MKRN1: variants seen among roughly 807,000 people sequenced by gnomAD.
MKRN1 encodes the protein E3 ubiquitin-protein ligase makorin-1.
Under a neutral mutation model 55.5 loss-of-function variants are expected in MKRN1, and 9 were observed. The ratio of observed to expected loss-of-function variants is 0.16; its 90% confidence interval spans 0.10 to 0.28. The LOEUF (loss-of-function observed/expected upper bound fraction) is 0.28. Ranked by LOEUF, MKRN1 falls within the 10% of genes least tolerant of loss-of-function variation. The pLI is 1.00. For missense variants in MKRN1, 488 were observed against 626.7 expected (o/e 0.78, Z 2.36); for synonymous variants, 253 against 235.9 (o/e 1.07, Z -0.66).
chr7:140,464,628 C>G (rs1794719462), intron 2 of MKRN1, among the ~76,000 whole-genome samples: 1 of 151,980 alleles, frequency 6.6e-6, no homozygotes, highest in African/African-American at 2.4e-5. Context: ...TCGCTTGAAC[C>G]TGGGAGGCGG....
In MKRN1 at chr7:140,453,983, A is replaced by C. The variant is rs1344299064; in HGVS notation, c.*534T>G. On this transcript the variant is annotated 3_prime_UTR_variant, in exon 8 of 8. Coordinates refer to ENST00000255977, the MANE Select transcript of MKRN1 (RefSeq NM_013446.4). ...TTGTGTGCAATTAAACAAGAGACCA[A>C]AACCACAGAACAAGTGCACGTGGTA... 1.2e-5 allele frequency: 2 copies of C among 162,074 alleles called. No individual in the cohort carries two copies. Among genetic ancestry groups the C allele is most frequent in the African/African-American group, 4.8e-5 (2 of 41,568 alleles). The allele number at this position is 162,074 out of a possible 1,614,324, so 10.0% of individuals were successfully genotyped here.
intron 1 of MKRN1, chr7:140,472,231 T>C (rs1217695735): frequency 1.9e-6 from 1 of 524,566 alleles, no homozygotes; most frequent in Non-Finnish European, 3.3e-6. Flanking sequence ...GACCAGCGGT[T>C]CGAGACCAGC....
rs752518959 is a variant in MKRN1 at position 140,472,020 on chromosome 7, C to G, written c.186-9G>C. The G allele has an allele frequency of 6.2e-7, 1 of 1,613,592 alleles. No homozygotes were observed. Among genetic ancestry groups the G allele is most frequent in the South Asian group, 1.1e-5 (1 of 91,012 alleles). On this transcript the variant is annotated splice_polypyrimidine_tract_variant and intron_variant, in intron 1 of 7. Coordinates refer to ENST00000255977, the MANE Select transcript of MKRN1 (RefSeq NM_013446.4). ...CCCCATGCATAAAATACCTGTGAGA[C>G]GAAAGACCACAAAACTGGATTAAAA...
chr7:140,456,675 C>T lies in MKRN1; in HGVS notation c.963G>A (p.Lys321=), dbSNP rs562305064. 2.5e-6 allele frequency: 4 copies of T among 1,614,040 alleles called. No homozygotes were observed. The highest frequency in any genetic ancestry group is 3.4e-6 in the Non-Finnish European group (4 of 1,180,032). ...ACTTTATGATCTTGCTCTCAAATTGCTTAGCACTCCTCCACTTGCGAATGC... is the reference window on the plus strand; with the variant it reads ...ACTTTATGATCTTGCTCTCAAATTGTTTAGCACTCCTCCACTTGCGAATGC... The part of the protein sequence containing the change: ...LKCIRKWRSA[K]QFESKIIKSC... Residue 321 remains lysine, a synonymous_variant, in exon 5 of 8, where the codon AAG becomes AAA. Transcript: ENST00000255977.
At chr7:140,454,850 G>T (rs1794423127) in intron 7 of MKRN1, 121 bp from the exon 8 acceptor site, 2 of 1,140,480 alleles carry the variant, frequency 1.8e-6, no homozygotes, top group Non-Finnish European at 2.5e-6. Flanking sequence ...CTTAGTTAGG[G>T]TTTCCATTTA....
chr7:140,465,179 A>G (rs1794733965), intron 2 of MKRN1, among the ~76,000 whole-genome samples: 1 of 152,124 alleles, frequency 6.6e-6, no homozygotes, highest in Non-Finnish European at 1.5e-5. Context: ...CAGTTGGTCC[A>G]AAAACCAAAA....
chr7:140,471,770 G>A, intron 2 of MKRN1, 113 bp downstream of exon 2: 1 of 1,418,080 alleles, frequency 7.1e-7, no homozygotes, highest in Non-Finnish European at 9.5e-7. Context: ...GCCCAGCCAA[G>A]AGTCATTTTC....
chr7:140,464,543 A>C (rs1794717279), intron 2 of MKRN1, among the ~76,000 whole-genome samples: 1 of 152,102 alleles, frequency 6.6e-6, no homozygotes. Context: ...TGTCTACTAA[A>C]AACGCAAAAG....
chr7:140,470,221 A>G (rs1794885846), intron 2 of MKRN1, among the ~76,000 whole-genome samples: 1 of 137,718 alleles, frequency 7.3e-6, no homozygotes, highest in East Asian at 2.2e-4. Context: ...CTCCGTCTTG[A>G]AAAAAAAAAA....
Position 140,479,251 on chromosome 7 carries a change from G to A in MKRN1, c.94C>T (p.Pro32Ser). ...CCCAGGGACGGGGCGGTGACTGTGG[G>A]GATCGGGGTGGGGGAGGCTGCTGCC... ...TAAAASPTPIPTVTAPSLGAG... is the reference protein window; with the variant it reads ...TAAAASPTPISTVTAPSLGAG... Residue 32 changes from proline (P) to serine (S), a missense_variant, in exon 1 of 8, where the codon CCC (proline) becomes TCC (serine). By Grantham distance (74) the Pro-to-Ser change is moderately conservative. Coordinates refer to ENST00000255977, the MANE Select transcript of MKRN1 (RefSeq NM_013446.4). 1.4e-6 allele frequency: 2 copies of A among 1,421,198 alleles called. No homozygotes were observed. The highest frequency in any genetic ancestry group is 3.0e-5 in the East Asian group (1 of 33,054). 88.0% of individuals were successfully genotyped at this position (1,421,198 alleles called of 1,614,324 possible).
chr7:140,455,943 C>T (rs766811600), intron 5 of MKRN1, 43 bp from the exon 6 acceptor site: 3 of 1,510,716 alleles, frequency 2.0e-6, no homozygotes, highest in Non-Finnish European at 2.8e-6. Context: ...TCCCCTTTTA[C>T]AGGCCCACTC....
intron 7 of MKRN1, 133 bp downstream of exon 7, chr7:140,454,962 T>C: frequency 1.1e-5 from 15 of 1,320,748 alleles, no homozygotes; most frequent in Non-Finnish European, 1.6e-5. Context: ...CTGAGGTTTG[T>C]TTCCTCCTTT....
chr7:140,479,125 C>G, intron 1 of MKRN1, 35 bp downstream of exon 1: 2 of 1,298,270 alleles, frequency 1.5e-6, no homozygotes, highest in Non-Finnish European at 1.9e-6. Flanking sequence ...GCGGCCCCCT[C>G]CCCGCGCCCG....
intron 2 of MKRN1, among the ~76,000 whole-genome samples, chr7:140,467,561 G>A (rs1794809491): frequency 6.6e-6 from 1 of 152,120 alleles, no homozygotes. Context: ...TGACAGGTAT[G>A]AGCCACTGTG....
chr7:140,466,691 C>A (rs1794777438), intron 2 of MKRN1, among the ~76,000 whole-genome samples: 1 of 151,788 alleles, frequency 6.6e-6, no homozygotes, highest in African/African-American at 2.4e-5. Context: ...GTAGTCCCAG[C>A]TACTCGGGAG....
In MKRN1 at chr7:140,454,493, C is replaced by T. The variant is rs1328425516; in HGVS notation, c.*24G>A. On this transcript the variant is annotated 3_prime_UTR_variant, in exon 8 of 8. Transcript: ENST00000255977. ...CAGCTGCTGTCTGAGGTCAGCAGACCAGTTCACACGCCACGCAAGGTTGCT... is the reference window on the plus strand; with the variant it reads ...CAGCTGCTGTCTGAGGTCAGCAGACTAGTTCACACGCCACGCAAGGTTGCT... 1 of 1,601,326 alleles carries T rather than the reference C, an allele frequency of 6.2e-7. No individual in the cohort carries two copies. Among genetic ancestry groups the T allele is most frequent in the Admixed American group, 1.7e-5 (1 of 58,592 alleles).
rs891946445 is a variant in MKRN1, at chr7:140,462,787, A to G, written c.315-2851T>C. ...AGACCATCCTGGCTAACACGGTGAA[A>G]CCCCGTCTCTACTAAAAAATACAAA... On this transcript the variant is annotated intron_variant, in intron 2 of 7. Transcript: ENST00000255977. 9.9e-5 allele frequency among the ~76,000 whole-genome samples: 15 copies of G among 151,946 alleles called. 1 individual carries two copies. The highest frequency in any genetic ancestry group is 5.9e-4 in the Admixed American group (9 of 15,240).
intron 2 of MKRN1, among the ~76,000 whole-genome samples, chr7:140,464,776 T>A (rs1794724044): frequency 6.6e-6 from 1 of 152,154 alleles, no homozygotes; most frequent in African/African-American, 2.4e-5. Context: ...AAATTAGTTA[T>A]TTTTACAAGC....
chr7:140,455,342 T>C, intron 6 of MKRN1, 109 bp from the exon 7 acceptor site: 5 of 1,349,652 alleles, frequency 3.7e-6, no homozygotes, highest in Non-Finnish European at 2.0e-6. Flanking sequence ...TATGTCAGCT[T>C]ACAGCCCTCC....
Sources: gnomAD v4.1 joint callset for allele counts (sites outside exome capture counted in the v4.1 genomes callset) on GRCh38, gnomAD v4.1.1 for gene constraint, MANE v1.5 for transcripts, NCBI Gene and HGNC (gene_info 2026-07-23, HGNC 2026-07-21) for gene names.